Variants in CSRNP3 observed in about 807,000 individuals in gnomAD.
The protein encoded by CSRNP3 is cysteine and serine rich nuclear protein 3, also known as cysteine/serine-rich nuclear protein 3.
A neutral mutation model predicts 48.0 loss-of-function variants in CSRNP3; 12 were observed. That is an observed-to-expected ratio of 0.25 (90% CI 0.16 to 0.41). CSRNP3 has a LOEUF of 0.41. Ranked by LOEUF, CSRNP3 falls within the 10% of genes least tolerant of loss-of-function variation. The pLI is 1.00. For missense variants in CSRNP3, 580 were observed against 724.4 expected, an observed-to-expected ratio of 0.80 and a Z score of 2.29; for synonymous variants, 263 against 269.7, an observed-to-expected ratio of 0.98 and a Z score of 0.24.
Position 165,562,463 on chromosome 2 carries a change from C to G in CSRNP3, c.-23-32580C>G, listed in dbSNP as rs368749982. Among the ~76,000 whole-genome samples the G allele has an allele frequency of 7.0e-4, 106 of 152,152 alleles. No homozygotes were observed. In the South Asian group the frequency reaches 0.015, roughly 21 times the overall value. ...TTTTGTCTGATCCAATTCTCATAAC[C>G]CTGTTGTTGGGGGAGAAAAAGTGTA... On this transcript the variant is annotated intron_variant, in intron 3 of 6. Coordinates refer to ENST00000651982, the MANE Select transcript of CSRNP3 (RefSeq NM_001172173.2).
chr2:165,532,422 T>G (rs1399883760), intron 3 of CSRNP3, among the ~76,000 whole-genome samples: 1 of 150,670 alleles, frequency 6.6e-6, no homozygotes, highest in African/African-American at 2.4e-5. Flanking sequence ...AATCAATAAA[T>G]GTAATCCAGC....
chr2:165,580,495 T>C (rs1302214037), intron 3 of CSRNP3, among the ~76,000 whole-genome samples: 2 of 152,204 alleles, frequency 1.3e-5, no homozygotes, highest in Non-Finnish European at 2.9e-5. Flanking sequence ...TTTTTCTACT[T>C]GTTGTAATTT....
chr2:165,658,440 GGA>G (rs1687043684), intron 5 of CSRNP3, among the ~76,000 whole-genome samples: 3 of 152,154 alleles, frequency 2.0e-5, no homozygotes, highest in Non-Finnish European at 4.4e-5. Flanking sequence ...TTTATAATAG[GGA>G]ATTGATGTGG....
chr2:165,622,084 T>G (rs1373176241), intron 4 of CSRNP3, among the ~76,000 whole-genome samples: 4 of 152,182 alleles, frequency 2.6e-5, no homozygotes, highest in African/African-American at 9.6e-5. Context: ...CTGCCATATA[T>G]TTCACATTAA....
chr2:165,570,242 T>C (rs1470687773), intron 3 of CSRNP3, among the ~76,000 whole-genome samples: 2 of 151,998 alleles, frequency 1.3e-5, no homozygotes, highest in Non-Finnish European at 2.9e-5. Context: ...ATTCTATCTC[T>C]TTCTAGTTCT....
At chr2:165,590,658 T>A (rs1436099482) in intron 3 of CSRNP3, among the ~76,000 whole-genome samples, 1 of 152,092 alleles carries the variant, frequency 6.6e-6, no homozygotes, top group African/African-American at 2.4e-5. Context: ...TGATAGTGAG[T>A]GAGTTCTCAT....
intron 3 of CSRNP3, among the ~76,000 whole-genome samples, chr2:165,559,796 C>CTT (rs11313094): frequency 0.011 from 1,097 of 98,366 alleles, 37 homozygotes; most frequent in South Asian, 0.013. Flanking sequence ...TTCTTTCTTT[C>CTT]TTTTTTTTTT....
In CSRNP3 at chr2:165,682,519, A is replaced by G. The variant is rs1687563534; in HGVS notation, c.*2766A>G. The G allele has an allele frequency of 6.6e-6, 1 of 152,108 alleles. No homozygotes were observed. The highest frequency in any genetic ancestry group is 1.5e-5 in the Non-Finnish European group (1 of 67,996). 9.4% of individuals were successfully genotyped at this position (152,108 alleles called of 1,614,324 possible). A position where few individuals can be genotyped will look rare whatever the true frequency, so the allele number is the denominator to read the frequency against. ...TTTCAGGCAATGGCCAATAGTCAGT[A>G]TTGAGTTTTTCTAACCCCAGAATCT... On this transcript the variant is annotated 3_prime_UTR_variant, in exon 7 of 7. Transcript: ENST00000651982.
chr2:165,560,477 T>A (rs1685218505), intron 3 of CSRNP3, among the ~76,000 whole-genome samples: 1 of 152,186 alleles, frequency 6.6e-6, no homozygotes, highest in Non-Finnish European at 1.5e-5. Flanking sequence ...TCCTGCATCC[T>A]CTTCTGTCGT....
At chr2:165,556,969 C>T (rs924392208) in intron 3 of CSRNP3, among the ~76,000 whole-genome samples, 1 of 152,094 alleles carries the variant, frequency 6.6e-6, no homozygotes, top group African/African-American at 2.4e-5. Context: ...AAACCAGAGT[C>T]ATTGCTAAAT....
Position 165,679,110 on chromosome 2 carries a change from A to G in CSRNP3, c.1115A>G (p.Glu372Gly). The G allele has an allele frequency of 6.2e-7, 1 of 1,613,828 alleles. No individual in the cohort carries two copies. Among genetic ancestry groups the G allele is most frequent in the Non-Finnish European group, 8.5e-7 (1 of 1,179,936 alleles). Residue 372 changes from glutamate (E) to glycine (G), a missense_variant, in exon 7 of 7, where the codon GAG becomes GGG. Glu to Gly is a moderately conservative substitution (Grantham distance 98). Around this residue, in one of 4 missense-constraint regions of CSRNP3, gnomAD observed 369 missense variants for 380.8 expected, o/e 0.97. Transcript: ENST00000651982. Reference protein sequence around the residue: ...QSLAPSESDEEEEEEEEEEEE... With the variant: ...QSLAPSESDEGEEEEEEEEEE... ...TTGGCACCTAGTGAGTCAGACGAGG[A>G]GGAGGAGGAAGAAGAAGAGGAAGAG...
At chr2:165,535,952 A>G (rs962188) in intron 3 of CSRNP3, among the ~76,000 whole-genome samples, 18,043 of 151,872 alleles carry the variant, frequency 0.12, 1,342 homozygotes, top group East Asian at 0.37. Context: ...CCCACGAAAC[A>G]ATGACTTCTC....
chr2:165,574,524 G>A lies in CSRNP3; in HGVS notation c.-23-20519G>A, dbSNP rs1040054502. 9 of 769,448 alleles carry A rather than the reference G, an allele frequency of 1.2e-5. No individual in the cohort carries two copies. The Admixed American group carries it at 1.9e-4, about 16-fold the overall frequency. The allele number at this position is 769,448 out of a possible 1,614,324, so 47.7% of individuals were successfully genotyped here. On this transcript the variant is annotated intron_variant, in intron 3 of 6. Coordinates refer to ENST00000651982, the MANE Select transcript of CSRNP3 (RefSeq NM_001172173.2). ...TTAATTCATCGTGGCAATTGGCAGG[G>A]TGTTCCTGGTTTTCAGGATTCCCTT...
chr2:165,559,494 A>G (rs1474578436), intron 3 of CSRNP3, among the ~76,000 whole-genome samples: 1 of 152,146 alleles, frequency 6.6e-6, no homozygotes, highest in Admixed American at 6.5e-5. Flanking sequence ...AATGCTAGGA[A>G]ACTGATATTT....
intron 4 of CSRNP3, among the ~76,000 whole-genome samples, chr2:165,627,922 T>C (rs6731425): frequency 6.6e-6 from 1 of 152,076 alleles, no homozygotes; most frequent in Non-Finnish European, 1.5e-5. Context: ...CATTCTTCAG[T>C]AGACTCGTTT....
intron 1 of CSRNP3, among the ~76,000 whole-genome samples, chr2:165,474,230 T>C (rs1013421905): frequency 1.3e-5 from 2 of 152,068 alleles, no homozygotes; most frequent in African/African-American, 4.8e-5. Flanking sequence ...TTTTATTTTA[T>C]TTTATTTTAT....
intron 1 of CSRNP3, among the ~76,000 whole-genome samples, chr2:165,471,987 T>C (rs1298267942): frequency 1.3e-5 from 2 of 152,060 alleles, no homozygotes; most frequent in East Asian, 3.8e-4. Flanking sequence ...TTTTTTTCCT[T>C]TGGTACAAAC....
intron 4 of CSRNP3, among the ~76,000 whole-genome samples, chr2:165,636,442 A>G (rs1053838855): frequency 8.5e-5 from 13 of 152,200 alleles, no homozygotes; most frequent in Non-Finnish European, 1.3e-4. Flanking sequence ...AACTCCATCA[A>G]TAAGACACGT....
At chr2:165,533,337 T>G (rs1684839749) in intron 3 of CSRNP3, among the ~76,000 whole-genome samples, 1 of 152,114 alleles carries the variant, frequency 6.6e-6, no homozygotes, top group Non-Finnish European at 1.5e-5. Context: ...CAAACTCACT[T>G]TCCTAATCGT....
Sources: gnomAD v4.1 joint callset for allele counts (sites outside exome capture counted in the v4.1 genomes callset) on GRCh38, gnomAD v4.1.1 for gene constraint, gnomAD v4.1.1 regional missense constraint, MANE v1.5 for transcripts, NCBI Gene and HGNC (gene_info 2026-07-23, HGNC 2026-07-21) for gene names.